The following LPP variants were observed in gnomAD, a reference collection of about 807,000 sequenced individuals.
LPP encodes lipoma-preferred partner.
A neutral mutation model predicts 60.4 loss-of-function variants in LPP; 38 were observed. The observed-to-expected ratio is 0.63, with a 90% CI of 0.49 to 0.83. The LOEUF is 0.83. Among genes scored for constraint, LPP ranks in the 40% least tolerant of loss-of-function variants. LPP has a pLI of 0.00. For synonymous variants in LPP, 328 were observed against 290.8 expected (o/e 1.13, Z -1.30); for missense variants, 902 against 783.6 (o/e 1.15, Z -1.80).
chr3:188,514,663 A>T (rs1380299807), intron 5 of LPP, among the ~76,000 whole-genome samples: 1 of 152,036 alleles, frequency 6.6e-6, no homozygotes, highest in Non-Finnish European at 1.5e-5. Flanking sequence ...GCTGGTCTTG[A>T]ACTCCTGACC....
At chr3:188,420,319 A>G (rs1443610065) in intron 4 of LPP, among the ~76,000 whole-genome samples, 2 of 152,164 alleles carry the variant, frequency 1.3e-5, no homozygotes, top group Non-Finnish European at 2.9e-5. Context: ...GTGGCAAAAA[A>G]TGATTCATGT....
At chr3:188,640,602 A>G (rs1849897792) in intron 7 of LPP, among the ~76,000 whole-genome samples, 1 of 151,676 alleles carries the variant, frequency 6.6e-6, no homozygotes, top group Admixed American at 6.6e-5. Flanking sequence ...AGTTACCTTA[A>G]TTTATGAAAA....
intron 2 of LPP, among the ~76,000 whole-genome samples, chr3:188,338,846 A>G (rs1052963347): frequency 6.6e-6 from 1 of 152,180 alleles, no homozygotes; most frequent in African/African-American, 2.4e-5. Context: ...TAAGATAATC[A>G]TCTTAGGGAT....
intron 6 of LPP, among the ~76,000 whole-genome samples, chr3:188,548,789 C>T (rs117284011): frequency 1.3e-5 from 2 of 152,156 alleles, no homozygotes; most frequent in East Asian, 1.9e-4. Flanking sequence ...TGGGAGAGGC[C>T]GCAGATGGTA....
At position 188,890,078 on chromosome 3, in the gene LPP, T is replaced by A. The variant is rs1285750700; in HGVS notation, c.*15599T>A. ...TGATGATTATGACCATGGAAGATAG[T>A]CTTATGTAAAGGTTAAATGGTGTTT... On this transcript the variant is annotated 3_prime_UTR_variant, in exon 12 of 12. Coordinates refer to ENST00000617246, the MANE Select transcript of LPP (RefSeq NM_001375462.1). 1 of 214,014 alleles carries A rather than the reference T, an allele frequency of 4.7e-6. No homozygotes were observed. The highest frequency in any genetic ancestry group is 6.9e-5 in the East Asian group (1 of 14,398). 13.3% of individuals were successfully genotyped at this position (214,014 alleles called of 1,614,324 possible).
intron 6 of LPP, among the ~76,000 whole-genome samples, chr3:188,574,003 G>A (rs567388267): frequency 6.6e-6 from 1 of 152,296 alleles, no homozygotes; most frequent in African/African-American, 2.4e-5. Context: ...AGCTCCAACT[G>A]TAATCTTGCC....
Position 188,484,606 on chromosome 3 carries a change from C to T in LPP, c.208C>T (p.Pro70Ser), listed in dbSNP as rs1052234748. Residue 70 changes from proline to serine, a missense_variant, in exon 5 of 12, where the codon CCC becomes TCC. By Grantham distance (74) the Pro-to-Ser change is moderately conservative. Transcript: ENST00000617246. ...QPGGEGDFLP[P>S]PPPPLDDSSA... ...CTTTTCTGTAGGTGATTTTCTTCCA[C>T]CCCCACCTCCACCTCTAGATGATTC... 3.1e-6 allele frequency: 5 copies of T among 1,612,714 alleles called. No individual in the cohort carries two copies. Among genetic ancestry groups the T allele is most frequent in the Admixed American group, 1.7e-5 (1 of 59,968 alleles).
intron 4 of LPP, among the ~76,000 whole-genome samples, chr3:188,407,134 C>A (rs1241881565): frequency 6.6e-6 from 1 of 151,306 alleles, no homozygotes; most frequent in Non-Finnish European, 1.5e-5. Flanking sequence ...AGAGAAGAGG[C>A]AGTGAAAGGA....
At chr3:188,654,361 C>T (rs1852701317) in intron 7 of LPP, among the ~76,000 whole-genome samples, 1 of 152,086 alleles carries the variant, frequency 6.6e-6, no homozygotes, top group South Asian at 2.1e-4. Context: ...GAGGAAATAA[C>T]ATAAGTAGAC....
intron 2 of LPP, among the ~76,000 whole-genome samples, chr3:188,290,523 C>A (rs1181952961): frequency 6.6e-6 from 1 of 150,708 alleles, no homozygotes; most frequent in African/African-American, 2.4e-5. Context: ...GTAGCACTTA[C>A]TATTCCATTA....
At chr3:188,275,769 A>G (rs1739441432) in intron 2 of LPP, among the ~76,000 whole-genome samples, 1 of 151,798 alleles carries the variant, frequency 6.6e-6, no homozygotes, top group South Asian at 2.1e-4. Flanking sequence ...TCCACTTCCC[A>G]GGTTCAAGCG....
Position 188,877,830 on chromosome 3 carries a change from C to T in LPP, c.*3351C>T, listed in dbSNP as rs1222650908. 1 of 216,146 alleles carries T rather than the reference C, an allele frequency of 4.6e-6. No individual in the cohort carries two copies. Among genetic ancestry groups the T allele is most frequent in the Non-Finnish European group, 9.3e-6 (1 of 107,256 alleles). 13.4% of individuals were successfully genotyped at this position (216,146 alleles called of 1,614,324 possible). On this transcript the variant is annotated 3_prime_UTR_variant, in exon 12 of 12. Coordinates refer to ENST00000617246, the MANE Select transcript of LPP (RefSeq NM_001375462.1). ...TTGTTAGATGCTGGCATCTCTGCAGCTCAAAGATGTGGGTTCTTTTTCTTG... is the reference window on the plus strand; with the variant it reads ...TTGTTAGATGCTGGCATCTCTGCAGTTCAAAGATGTGGGTTCTTTTTCTTG...
chr3:188,767,698 A>G (rs1734594905), intron 9 of LPP, among the ~76,000 whole-genome samples: 2 of 152,310 alleles, frequency 1.3e-5, no homozygotes, highest in South Asian at 4.1e-4. Context: ...GAATAAATAC[A>G]TAAGCGCACT....
chr3:188,817,902 C>T (rs1316898011), intron 9 of LPP, among the ~76,000 whole-genome samples: 1 of 152,190 alleles, frequency 6.6e-6, no homozygotes, highest in East Asian at 1.9e-4. Flanking sequence ...TTTTGTTCTT[C>T]CACACGATTA....
chr3:188,368,815 A>T (rs1419631115), intron 3 of LPP, among the ~76,000 whole-genome samples: 6 of 151,730 alleles, frequency 4.0e-5, no homozygotes, highest in African/African-American at 1.5e-4. Context: ...AGGACCTCGA[A>T]TGTCTTCTTT....
intron 8 of LPP, among the ~76,000 whole-genome samples, chr3:188,739,752 A>G (rs1723762223): frequency 6.6e-6 from 1 of 152,050 alleles, no homozygotes; most frequent in Non-Finnish European, 1.5e-5. Context: ...ACAAGAATTT[A>G]CAATTGTCTG....
At position 188,592,557 on chromosome 3, in the gene LPP, G is replaced by GTTTGTTTTTTTTTTTTTTTTTTTTT. The variant is rs1260656926; in HGVS notation, c.430-16601_430-16600insGTTTTTTTTTTTTTTTTTTTTTTTT. ...TATCACTGTTTTTAGTTTTGTTTTT[G>GTTTGTTTTTTTTTTTTTTTTTTTTT]TTTTTTAAATGGAGTCTCACTCTTT... On this transcript the variant is annotated intron_variant, in intron 6 of 11. Coordinates refer to ENST00000617246, the MANE Select transcript of LPP (RefSeq NM_001375462.1). Among the ~76,000 whole-genome samples the GTTTGTTTTTTTTTTTTTTTTTTTTT allele has an allele frequency of 3.8e-3, 329 of 85,650 alleles. 16 individuals are homozygous for GTTTGTTTTTTTTTTTTTTTTTTTTT. The highest frequency in any genetic ancestry group is 9.6e-3 in the African/African-American group (213 of 22,082). The allele number at this position is 85,650 out of a possible 152,430, so 56.2% of individuals were successfully genotyped here. A position where few individuals can be genotyped will look rare whatever the true frequency, so the allele number is the denominator to read the frequency against.
At chr3:188,485,648 T>G (rs1239511372) in intron 5 of LPP, among the ~76,000 whole-genome samples, 3 of 150,706 alleles carry the variant, frequency 2.0e-5, no homozygotes, top group Non-Finnish European at 4.4e-5. Flanking sequence ...ATACAAAAAA[T>G]TAGCCGGGCG....
chr3:188,384,572 A>G (rs1777733066), intron 3 of LPP, among the ~76,000 whole-genome samples: 1 of 152,016 alleles, frequency 6.6e-6, no homozygotes. Context: ...CGGGCAGATC[A>G]TGAGGTCAGG....
Sources: allele counts gnomAD v4.1 joint callset (sites outside exome capture counted in the v4.1 genomes callset), GRCh38; gene constraint gnomAD v4.1.1; transcripts MANE v1.5; gene names NCBI Gene and HGNC (gene_info 2026-07-23, HGNC 2026-07-21).